SLIT3: variants seen among roughly 807,000 people sequenced by gnomAD.
SLIT3 encodes slit guidance ligand 3.
A neutral mutation model predicts 184.0 loss-of-function variants in SLIT3; 68 were observed. The observed-to-expected ratio is 0.37, with a 90% CI of 0.30 to 0.45. The LOEUF (loss-of-function observed/expected upper bound fraction) is 0.45, where lower values mean the gene tolerates loss of function less well. Ranked by LOEUF, SLIT3 falls within the 20% of genes least tolerant of loss-of-function variation. SLIT3 has a pLI of 1.00. For missense variants in SLIT3, 1,707 were observed against 2,026.0 expected, an observed-to-expected ratio of 0.84 and a Z score of 3.02; for synonymous variants, 831 against 828.6, an observed-to-expected ratio of 1.00 and a Z score of -0.05.
chr5:168,772,619 C>T (rs4867902), intron 14 of SLIT3, 162 bp downstream of exon 14: 332,076 of 652,854 alleles, frequency 0.51, 85,330 homozygotes, highest in East Asian at 0.61. Context: ...CATAAGGTAA[C>T]TGGTTTTCTG....
chr5:168,834,955 T>C (rs1757999780), intron 6 of SLIT3, among the ~76,000 whole-genome samples: 2 of 152,156 alleles, frequency 1.3e-5, no homozygotes, highest in South Asian at 4.1e-4. Flanking sequence ...AGCCATGAGC[T>C]ACACGTGGCA....
chr5:168,700,577 G>C lies in SLIT3; in HGVS notation c.2942+5C>G, dbSNP rs1762185680. ...CAGTGAGGGAGGCCAGGGGTGAACT[G>C]TTACCTGAACCCATCCTTGTGGCTG... On this transcript the variant is annotated splice_donor_5th_base_variant and intron_variant, in intron 27 of 35. Transcript: ENST00000519560. 1 of 1,609,660 alleles carries C rather than the reference G, an allele frequency of 6.2e-7. No individual in the cohort carries two copies. Among genetic ancestry groups the C allele is most frequent in the Non-Finnish European group, 8.5e-7 (1 of 1,176,062 alleles).
At chr5:168,701,554 C>T (rs1561882302) in intron 26 of SLIT3, among the ~76,000 whole-genome samples, 1 of 152,168 alleles carries the variant, frequency 6.6e-6, no homozygotes, top group African/African-American at 2.4e-5. Context: ...GTGAGGGCAG[C>T]GGCCCTGAGG....
intron 4 of SLIT3, chr5:169,013,094 A>T (rs1027794023): frequency 6.6e-6 from 1 of 152,238 alleles, no homozygotes; most frequent in Admixed American, 6.5e-5. Context: ...TTATCGCTTT[A>T]TCTTCCATTG....
chr5:168,753,095 C>T lies in SLIT3; in HGVS notation c.1833G>A (p.Met611Ile), dbSNP rs532545592. The change falls in exon 18 of 36, where the codon ATG becomes ATA. Residue 611 changes from methionine (M) to isoleucine (I), a missense_variant. Coordinates refer to ENST00000519560, the MANE Select transcript of SLIT3 (RefSeq NM_003062.4). ...FRGLSGLKTL[M>I]LRSNLIGCVS... ...CACAGCCGATCAAGTTACTCCTCAG[C>T]ATCCTACAGGGAGAGGGGTGGGGAT... 29 of 1,614,004 alleles carry T rather than the reference C, an allele frequency of 1.8e-5. No homozygotes were observed. Among genetic ancestry groups the T allele is most frequent in the Non-Finnish European group, 2.3e-5 (27 of 1,179,964 alleles).
At chr5:168,805,389 G>A (rs1350763225) in intron 9 of SLIT3, among the ~76,000 whole-genome samples, 1 of 152,154 alleles carries the variant, frequency 6.6e-6, no homozygotes, top group Admixed American at 6.5e-5. Context: ...AGAAAGGCAA[G>A]GGGAATATGT....
At chr5:169,249,147 A>G (rs965293598) in intron 2 of SLIT3, among the ~76,000 whole-genome samples, 7 of 152,204 alleles carry the variant, frequency 4.6e-5, no homozygotes, top group African/African-American at 1.7e-4. Flanking sequence ...ATATGGTAAA[A>G]ATGTCTGGAT....
chr5:168,687,701 G>T (rs190952249), intron 29 of SLIT3, among the ~76,000 whole-genome samples: 36 of 152,264 alleles, frequency 2.4e-4, no homozygotes, highest in African/African-American at 8.4e-4. Flanking sequence ...ACCTCTTATG[G>T]TTGCTTTAAA....
intron 20 of SLIT3, among the ~76,000 whole-genome samples, chr5:168,725,963 C>T (rs1763096050): frequency 6.6e-6 from 1 of 152,058 alleles, no homozygotes; most frequent in African/African-American, 2.4e-5. Flanking sequence ...TATGGCTGGC[C>T]CCTGGGGACT....
intron 4 of SLIT3, among the ~76,000 whole-genome samples, chr5:168,922,331 C>T (rs1004253998): frequency 2.0e-5 from 3 of 151,764 alleles, no homozygotes; most frequent in Admixed American, 1.3e-4. Flanking sequence ...GTGGCGGGTG[C>T]CTGTAGTCCC....
intron 4 of SLIT3, among the ~76,000 whole-genome samples, chr5:168,976,068 C>T (rs59725093): frequency 0.1 from 15,695 of 152,162 alleles, 1,134 homozygotes; most frequent in African/African-American, 0.2. Flanking sequence ...ATGCAGGCAC[C>T]GCTGGATACC....
chr5:168,720,050 A>T (rs562935866), intron 23 of SLIT3: 1 of 152,142 alleles, frequency 6.6e-6, no homozygotes, highest in Admixed American at 6.5e-5. Context: ...AGTAGCTGGG[A>T]CTACAGGCGC....
chr5:169,188,411 A>C (rs1763432654), intron 4 of SLIT3, among the ~76,000 whole-genome samples: 1 of 152,190 alleles, frequency 6.6e-6, no homozygotes, highest in South Asian at 2.1e-4. Context: ...AGGATGGCAA[A>C]GGGAGAAATT....
At chr5:169,044,587 T>TGGGGGGGGGAGGAAGG (rs1757560724) in intron 4 of SLIT3, among the ~76,000 whole-genome samples, 2 of 70,644 alleles carry the variant, frequency 2.8e-5, no homozygotes, top group African/African-American at 8.5e-5. Flanking sequence ...TGGAGGAAGG[T>TGGGGGGGGGAGGAAGG]GGGGGGGGGG....
At chr5:168,841,347 T>A (rs762012929) in intron 6 of SLIT3, among the ~76,000 whole-genome samples, 14 of 152,202 alleles carry the variant, frequency 9.2e-5, no homozygotes, top group Non-Finnish European at 2.1e-4. Context: ...ACTGGTGGTA[T>A]CACTGGGCTT....
At chr5:169,059,132 T>C (rs1205488652) in intron 4 of SLIT3, among the ~76,000 whole-genome samples, 2 of 152,164 alleles carry the variant, frequency 1.3e-5, no homozygotes, top group African/African-American at 4.8e-5. Context: ...GCTCTAGGCA[T>C]CCTTTGACTT....
At chr5:169,176,715 T>C (rs1358856193) in intron 4 of SLIT3, among the ~76,000 whole-genome samples, 3 of 152,198 alleles carry the variant, frequency 2.0e-5, no homozygotes, top group South Asian at 4.1e-4. Context: ...AGGGGCCATA[T>C]AGCATATGTA....
intron 4 of SLIT3, among the ~76,000 whole-genome samples, chr5:169,037,361 T>C (rs190438608): frequency 1.0e-3 from 158 of 152,302 alleles, no homozygotes; most frequent in African/African-American, 3.7e-3. Flanking sequence ...GTGGAGACAA[T>C]GGCCATTACC....
intron 3 of SLIT3, among the ~76,000 whole-genome samples, chr5:169,219,953 G>T (rs1764567423): frequency 6.6e-6 from 1 of 152,188 alleles, no homozygotes. Flanking sequence ...TGCAGAATCA[G>T]ACATGGATAC....
Sources: allele counts gnomAD v4.1 joint callset (sites outside exome capture counted in the v4.1 genomes callset), GRCh38; gene constraint gnomAD v4.1.1; transcripts MANE v1.5; gene names NCBI Gene and HGNC (gene_info 2026-07-23, HGNC 2026-07-21).